Variants in TMEM130 observed in about 807,000 individuals in gnomAD.
The protein encoded by TMEM130 is transmembrane protein 130.
In TMEM130, 37 loss-of-function variants were observed where a neutral mutation model predicts 42.9. The observed-to-expected ratio is 0.86, with a 90% confidence interval of 0.66 to 1.13. The LOEUF (loss-of-function observed/expected upper bound fraction) is 1.13. Ranked by LOEUF, TMEM130 falls within the 50% of genes most tolerant of loss-of-function variation. TMEM130 has a pLI of 0.00. For synonymous variants in TMEM130, 259 were observed against 237.7 expected (o/e 1.09, Z -0.82); for missense variants, 545 against 562.6 (o/e 0.97, Z 0.32).
At chr7:98,863,828 T>G (rs1222636351) in intron 1 of TMEM130, among the ~76,000 whole-genome samples, 1 of 150,268 alleles carries the variant, frequency 6.7e-6, no homozygotes, top group East Asian at 2.0e-4. Flanking sequence ...TTTTTCTCCC[T>G]TCCTTCCTTC....
chr7:98,863,370 C>T lies in TMEM130; in HGVS notation c.116G>A (p.Ser39Asn). 6.2e-7 allele frequency: 1 copy of T among 1,600,672 alleles called. No individual in the cohort carries two copies. Among genetic ancestry groups the T allele is most frequent in the Non-Finnish European group, 8.5e-7 (1 of 1,176,242 alleles). The change falls in exon 2 of 8, where the codon AGC (serine) becomes AAC (asparagine). Residue 39 changes from serine (S) to asparagine (N), a missense_variant. Ser to Asn is a conservative substitution (Grantham distance 46). Coordinates refer to ENST00000339375, the MANE Select transcript of TMEM130 (RefSeq NM_152913.3). ...CACCACCGCTCCCGTGGTGGCAGGG[C>T]TATCGGTGGTGAGATTGAGTTCATA... ...GLYELNLTTD[S>N]PATTGAVVTI...
Position 98,847,337 on chromosome 7 carries a change from A to G in TMEM130, c.*719T>C, listed in dbSNP as rs1287725872. Reference sequence around the variant, plus strand: ...GGATGGCCTTATAAAGGGCGCAAGAACTGCAGAGACAAAGCACAAAGGGAG... The same window carrying G: ...GGATGGCCTTATAAAGGGCGCAAGAGCTGCAGAGACAAAGCACAAAGGGAG... On this transcript the variant is annotated 3_prime_UTR_variant, in exon 8 of 8. Coordinates refer to ENST00000339375, the MANE Select transcript of TMEM130 (RefSeq NM_152913.3). 3 of 152,324 alleles carry G rather than the reference A, an allele frequency of 2.0e-5. No individual in the cohort carries two copies. Among genetic ancestry groups the G allele is most frequent in the Non-Finnish European group, 2.9e-5 (2 of 68,146 alleles). 9.4% of individuals were successfully genotyped at this position (152,324 alleles called of 1,614,324 possible).
In TMEM130 at chr7:98,869,223, C is replaced by G; in HGVS notation, c.85+554G>C. On this transcript the variant is annotated intron_variant, in intron 1 of 7. Transcript: ENST00000339375. The surrounding 1 kb of genome is among the most constrained non-coding windows in gnomAD (Gnocchi z 4.7). ...CACACACCCCAGGAACCTGTCAGCT[C>G]CGGGTCCATTTTGGAAATCACCACC... is the stretch of plus-strand genomic sequence containing the variant. 7.8e-7 allele frequency: 1 copy of G among 1,289,020 alleles called. No individual in the cohort carries two copies. 79.8% of individuals were successfully genotyped at this position (1,289,020 alleles called of 1,614,324 possible).
intron 2 of TMEM130, among the ~76,000 whole-genome samples, chr7:98,862,321 G>C (rs1238755877): frequency 1.1e-5 from 1 of 94,732 alleles, no homozygotes; most frequent in African/African-American, 3.2e-5. Context: ...ACAGAGAACA[G>C]AAAGAGCAAG....
chr7:98,869,458 C>A lies in TMEM130; in HGVS notation c.85+319G>T. 1.1e-6 allele frequency: 1 copy of A among 907,384 alleles called. No homozygotes were observed. Among genetic ancestry groups the A allele is most frequent in the African/African-American group, 1.8e-5 (1 of 55,912 alleles). 56.2% of individuals were successfully genotyped at this position (907,384 alleles called of 1,614,324 possible). A position where few individuals can be genotyped will look rare whatever the true frequency, so the allele number is the denominator to read the frequency against. ...CCTGCCTCGTCCTCCCCTCCCTTAGCGGGTGCATGGTCCCCAGGCATCGAC... is the reference window on the plus strand; with the variant it reads ...CCTGCCTCGTCCTCCCCTCCCTTAGAGGGTGCATGGTCCCCAGGCATCGAC... On this transcript the variant is annotated intron_variant, in intron 1 of 7. Transcript: ENST00000339375. The surrounding 1 kb of genome is among the most constrained non-coding windows in gnomAD (Gnocchi z 4.7).
intron 3 of TMEM130, among the ~76,000 whole-genome samples, chr7:98,858,123 A>G (rs1301714081): frequency 6.6e-6 from 1 of 152,126 alleles, no homozygotes; most frequent in Non-Finnish European, 1.5e-5. Flanking sequence ...TAGTTTATTT[A>G]TATTACATTG....
chr7:98,861,988 T>C (rs782197902), intron 2 of TMEM130, among the ~76,000 whole-genome samples: 1 of 152,200 alleles, frequency 6.6e-6, no homozygotes, highest in African/African-American at 2.4e-5. Flanking sequence ...CCCATGGCCT[T>C]ACAAACTCAT....
chr7:98,850,273 A>ATATATATTTTTTTTTTTTTT, intron 6 of TMEM130, among the ~76,000 whole-genome samples: 8 of 35,454 alleles, frequency 2.3e-4, no homozygotes, highest in Non-Finnish European at 4.4e-4. Flanking sequence ...ATATATATAT[A>ATATATATTTTTTTTTTTTTT]TTTTTTTTTT....
At chr7:98,848,485 A>T (rs1168146084) in intron 7 of TMEM130, 98 bp downstream of exon 7, 6 of 929,234 alleles carry the variant, frequency 6.5e-6, no homozygotes, top group Non-Finnish European at 7.0e-6. Flanking sequence ...TAATATCAAG[A>T]CCCCCTCCAG....
Position 98,869,765 on chromosome 7 carries a change from C to T in TMEM130, c.85+12G>A, listed in dbSNP as rs1192220617. 4 of 1,390,394 alleles carry T rather than the reference C, an allele frequency of 2.9e-6. No homozygotes were observed. The highest frequency in any genetic ancestry group is 3.7e-6 in the Non-Finnish European group (4 of 1,075,888). 86.1% of individuals were successfully genotyped at this position (1,390,394 alleles called of 1,614,324 possible). On this transcript the variant is annotated intron_variant, in intron 1 of 7. Coordinates refer to ENST00000339375, the MANE Select transcript of TMEM130 (RefSeq NM_152913.3). The surrounding 1 kb of genome is among the most constrained non-coding windows in gnomAD (Gnocchi z 4.7). ...TGCGGCTGCAGGGAGGCCGGATTGCCCAGCGCCTTACCTGCGGCCACCCCT... is the reference window on the plus strand; with the variant it reads ...TGCGGCTGCAGGGAGGCCGGATTGCTCAGCGCCTTACCTGCGGCCACCCCT...
In TMEM130 at chr7:98,863,173, C is replaced by T. The variant is rs782560053; in HGVS notation, c.313G>A (p.Val105Ile). 2 of 1,614,124 alleles carry T rather than the reference C, an allele frequency of 1.2e-6. No individual in the cohort carries two copies. Among genetic ancestry groups the T allele is most frequent in the Admixed American group, 1.7e-5 (1 of 60,022 alleles). Residue 105 changes from valine to isoleucine, a missense_variant, in exon 2 of 8, where the codon GTC (valine) becomes ATC (isoleucine). Val to Ile is a conservative substitution (Grantham distance 29). Transcript: ENST00000339375. ...VVGHVPGEFP[V>I]SVWVTAADCW... is the part of the protein sequence containing the mutation. ...TCAGCGGCAGTGACCCAGACAGAGA[C>T]CGGGAATTCCCCGGGCACGTGGCCG...
intron 3 of TMEM130, among the ~76,000 whole-genome samples, chr7:98,858,577 A>G (rs1794686134): frequency 6.6e-6 from 1 of 152,060 alleles, no homozygotes; most frequent in African/African-American, 2.4e-5. Context: ...AAAGCCAAGC[A>G]CAGTGGTTCA....
Position 98,869,667 on chromosome 7 carries a change from C to T in TMEM130, c.85+110G>A. 3 of 801,546 alleles carry T rather than the reference C, an allele frequency of 3.7e-6. No individual in the cohort carries two copies. Among genetic ancestry groups the T allele is most frequent in the Non-Finnish European group, 5.2e-6 (3 of 573,240 alleles). The allele number at this position is 801,546 out of a possible 1,614,324, so 49.7% of individuals were successfully genotyped here. Reference sequence around the variant, plus strand: ...CGAGGAGGGAGATGCGCGCAGGGCGCACGGTGCCACCTCCGCAATCCCTGC... The same window carrying T: ...CGAGGAGGGAGATGCGCGCAGGGCGTACGGTGCCACCTCCGCAATCCCTGC... On this transcript the variant is annotated intron_variant, in intron 1 of 7. Transcript: ENST00000339375. This position sits in a 1 kb window ranked among gnomAD's most constrained non-coding sequence, Gnocchi z 4.7.
At chr7:98,855,206 G>C in intron 5 of TMEM130, 34 bp downstream of exon 5, 1 of 1,587,406 alleles carries the variant, frequency 6.3e-7, no homozygotes, top group Non-Finnish European at 8.6e-7. Context: ...CAGAGCCCAC[G>C]GGGCACCCCC....
chr7:98,867,005 G>C (rs901464543), intron 1 of TMEM130: 1 of 152,124 alleles, frequency 6.6e-6, no homozygotes, highest in Non-Finnish European at 1.5e-5. Context: ...GCTGAGGCAG[G>C]AGGATCTCTT....
rs531261269 is a variant in TMEM130, at chr7:98,862,609, C to G, written c.391+486G>C. Among the ~76,000 whole-genome samples, 10 of 149,330 alleles carry G rather than the reference C, an allele frequency of 6.7e-5. No homozygotes were observed. In the East Asian group the frequency reaches 2.0e-3, roughly 30 times the overall value. On this transcript the variant is annotated intron_variant, in intron 2 of 7. Coordinates refer to ENST00000339375, the MANE Select transcript of TMEM130 (RefSeq NM_152913.3). ...TGCCCCCCAGGTTCAAGCGATTCTC[C>G]TGCTTCAGCCTCTTATACAGCTGGG...
chr7:98,853,649 A>G (rs1554398555), intron 5 of TMEM130, among the ~76,000 whole-genome samples: 1 of 152,156 alleles, frequency 6.6e-6, no homozygotes, highest in African/African-American at 2.4e-5. Flanking sequence ...GAGTCCTTTA[A>G]CGCCTGGGCC....
chr7:98,862,495 T>C (rs945348153), intron 2 of TMEM130, among the ~76,000 whole-genome samples: 3 of 21,646 alleles, frequency 1.4e-4, no homozygotes, highest in Admixed American at 7.3e-4. Context: ...TTCTTTTTTT[T>C]TTTTTTTTTT....
chr7:98,860,214 G>T lies in TMEM130; in HGVS notation c.516C>A (p.Thr172=). ...LLHDPSNFLK[T]ALFLYSWDFG... is the part of the protein sequence containing the mutation. ...AGTCCCAGCTGTAGAGAAACAAGGC[G>T]GTCTTGAGGAAGTTGCTCGGGTCGT... The change falls in exon 3 of 8, where the codon ACC becomes ACA. Residue 172 remains threonine (T), a synonymous_variant. Transcript: ENST00000339375. 1 of 1,613,836 alleles carries T rather than the reference G, an allele frequency of 6.2e-7. No individual in the cohort carries two copies. The highest frequency in any genetic ancestry group is 8.5e-7 in the Non-Finnish European group (1 of 1,179,752).
Sources: gnomAD v4.1 joint callset for allele counts (sites outside exome capture counted in the v4.1 genomes callset) on GRCh38, gnomAD v4.1.1 for gene constraint, Gnocchi (gnomAD v3.1) non-coding constraint, MANE v1.5 for transcripts, NCBI Gene and HGNC (gene_info 2026-07-23, HGNC 2026-07-21) for gene names.